CACHD1: variants seen among roughly 807,000 people sequenced by gnomAD.
CACHD1 encodes cache domain containing 1.
CACHD1 carries 71 observed loss-of-function variants against 138.7 expected under a neutral mutation model. That is an observed-to-expected ratio of 0.51 (90% CI 0.42 to 0.62). The LOEUF is 0.62. Among genes scored for constraint, CACHD1 ranks in the 20% least tolerant of loss-of-function variants. The pLI is 0.00. For synonymous variants in CACHD1, 578 were observed against 591.5 expected (o/e 0.98, Z 0.33); for missense variants, 1,389 against 1,625.3 (o/e 0.85, Z 2.50).
chr1:64,618,436 C>G (rs896147242), intron 4 of CACHD1, among the ~76,000 whole-genome samples: 1 of 152,130 alleles, frequency 6.6e-6, no homozygotes, highest in African/African-American at 2.4e-5. Flanking sequence ...GCTCTTTTGC[C>G]TCCCCTGCTT....
chr1:64,582,336 A>T, intron 3 of CACHD1, 32 bp downstream of exon 3: 1 of 1,587,168 alleles, frequency 6.3e-7, no homozygotes, highest in South Asian at 1.1e-5. Context: ...TTGTTGTATA[A>T]ACCAGACATT....
intron 4 of CACHD1, among the ~76,000 whole-genome samples, chr1:64,605,534 C>A (rs35905995): frequency 0.011 from 1,674 of 152,202 alleles, 16 homozygotes; most frequent in Non-Finnish European, 0.015. Flanking sequence ...CCTTCCTTAA[C>A]GTATTTCTGA....
chr1:64,534,084 C>T (rs1164124554), intron 1 of CACHD1, among the ~76,000 whole-genome samples: 2 of 140,788 alleles, frequency 1.4e-5, no homozygotes, highest in African/African-American at 5.3e-5. Flanking sequence ...CACTCTGTTA[C>T]CCAGGCTGGA....
intron 2 of CACHD1, among the ~76,000 whole-genome samples, chr1:64,551,262 G>C (rs1570358388): frequency 6.8e-6 from 1 of 146,838 alleles, no homozygotes; most frequent in African/African-American, 2.5e-5. Flanking sequence ...TCTTCTTTCA[G>C]TTCTCTGTGG....
intron 1 of CACHD1, among the ~76,000 whole-genome samples, chr1:64,490,300 G>T (rs533091965): frequency 6.6e-6 from 1 of 152,316 alleles, no homozygotes; most frequent in Non-Finnish European, 1.5e-5. Context: ...TAACTTAAAA[G>T]ATGGAGGGCT....
intron 1 of CACHD1, among the ~76,000 whole-genome samples, chr1:64,497,207 G>A (rs1215457282): frequency 1.3e-5 from 2 of 152,156 alleles, no homozygotes; most frequent in African/African-American, 2.4e-5. Flanking sequence ...TTTCTGCCAA[G>A]GATGCTACAG....
chr1:64,597,851 C>G (rs967945899), intron 3 of CACHD1, among the ~76,000 whole-genome samples: 2 of 152,114 alleles, frequency 1.3e-5, no homozygotes, highest in Non-Finnish European at 2.9e-5. Flanking sequence ...TAATGTACTT[C>G]TTAATGAAAA....
intron 4 of CACHD1, among the ~76,000 whole-genome samples, chr1:64,622,813 A>G (rs968039010): frequency 4.6e-5 from 7 of 152,232 alleles, no homozygotes; most frequent in Admixed American, 2.0e-4. Context: ...GTTTTGTATG[A>G]TGCTCAATAC....
intron 1 of CACHD1, among the ~76,000 whole-genome samples, chr1:64,479,933 A>T (rs1557456166): frequency 6.6e-6 from 1 of 152,164 alleles, no homozygotes; most frequent in African/African-American, 2.4e-5. Context: ...GAACCTAGAA[A>T]ACTCAGCCAA....
intron 1 of CACHD1, among the ~76,000 whole-genome samples, chr1:64,542,962 A>G (rs1035018131): frequency 2.0e-5 from 3 of 151,604 alleles, no homozygotes; most frequent in African/African-American, 7.3e-5. Context: ...CAACATTATG[A>G]TACATAGTAC....
chr1:64,603,091 G>A (rs1475821969), intron 4 of CACHD1, among the ~76,000 whole-genome samples, 179 bp downstream of exon 4: 2 of 134,780 alleles, frequency 1.5e-5, no homozygotes, highest in African/African-American at 5.3e-5. Flanking sequence ...AAAAAATCAA[G>A]CTTACATCTT....
At chr1:64,584,279 C>G (rs1647033939) in intron 3 of CACHD1, among the ~76,000 whole-genome samples, 1 of 152,170 alleles carries the variant, frequency 6.6e-6, no homozygotes, top group Non-Finnish European at 1.5e-5. Flanking sequence ...CATCCTATAA[C>G]ATTCAGGACA....
chr1:64,519,542 T>A (rs1646482617), intron 1 of CACHD1, among the ~76,000 whole-genome samples: 1 of 152,220 alleles, frequency 6.6e-6, no homozygotes, highest in Non-Finnish European at 1.5e-5. Flanking sequence ...TAAGTCTGAA[T>A]TAACTTTTTT....
At chr1:64,553,326 C>T (rs1388845422) in intron 2 of CACHD1, among the ~76,000 whole-genome samples, 1 of 152,164 alleles carries the variant, frequency 6.6e-6, no homozygotes, top group Non-Finnish European at 1.5e-5. Flanking sequence ...ACTTAAATAA[C>T]TGCTTAGACA....
chr1:64,553,938 A>G (rs1646778297), intron 2 of CACHD1, among the ~76,000 whole-genome samples: 1 of 152,234 alleles, frequency 6.6e-6, no homozygotes, highest in Non-Finnish European at 1.5e-5. Context: ...TCTGTAATTA[A>G]GGGTCATTTA....
At chr1:64,651,609 C>T (rs752054834) in intron 9 of CACHD1, among the ~76,000 whole-genome samples, 3 of 151,998 alleles carry the variant, frequency 2.0e-5, no homozygotes, top group Non-Finnish European at 2.9e-5. Flanking sequence ...GAGCTATGAT[C>T]GCACCACTGC....
intron 3 of CACHD1, among the ~76,000 whole-genome samples, chr1:64,584,298 A>G (rs1320275404): frequency 6.6e-6 from 1 of 152,168 alleles, no homozygotes; most frequent in East Asian, 1.9e-4. Context: ...CAGCTCCCCA[A>G]GACAAAGAAT....
At chr1:64,684,778 C>G (rs571294864) in intron 26 of CACHD1, among the ~76,000 whole-genome samples, 1 of 152,182 alleles carries the variant, frequency 6.6e-6, no homozygotes, top group East Asian at 1.9e-4. Context: ...ATGGTAAGTG[C>G]TCTATATAGG....
intron 19 of CACHD1, among the ~76,000 whole-genome samples, chr1:64,675,008 A>G (rs992765636): frequency 6.6e-6 from 1 of 152,236 alleles, no homozygotes; most frequent in East Asian, 1.9e-4. Flanking sequence ...ATTTGTGGTT[A>G]ACTAGGTTTG....
Sources: gnomAD v4.1 joint callset for allele counts (sites outside exome capture counted in the v4.1 genomes callset) on GRCh38, gnomAD v4.1.1 for gene constraint, MANE v1.5 for transcripts, NCBI Gene and HGNC (gene_info 2026-07-23, HGNC 2026-07-21) for gene names.